Variants in LPIN1 observed in about 807,000 individuals in gnomAD.
LPIN1 encodes the protein phosphatidate phosphatase LPIN1.
LPIN1 carries 71 observed loss-of-function variants against 107.5 expected under a neutral mutation model. The ratio of observed to expected loss-of-function variants is 0.66; its 90% CI spans 0.55 to 0.80. The LOEUF is 0.80. Among genes scored for constraint, LPIN1 ranks in the 30% least tolerant of loss-of-function variants. The pLI, the probability that LPIN1 is intolerant of heterozygous loss-of-function variation, is 0.00. For missense variants in LPIN1, 1,043 were observed against 1,160.6 expected (o/e 0.90, Z 1.47); for synonymous variants, 445 against 452.6 (o/e 0.98, Z 0.21).
chr2:11,693,770 A>ATG (rs201833333), intron 1 of LPIN1, among the ~76,000 whole-genome samples: 5,549 of 114,894 alleles, frequency 0.048, 242 homozygotes, highest in Middle Eastern at 0.12. Flanking sequence ...AGAGCCATAT[A>ATG]TGTGTGTGTG....
At chr2:11,728,636 A>G (rs1050831867) in intron 1 of LPIN1, among the ~76,000 whole-genome samples, 18 of 152,106 alleles carry the variant, frequency 1.2e-4, no homozygotes, top group Non-Finnish European at 2.6e-4. Flanking sequence ...TCTGCCTCCC[A>G]AAGTGCTGGG....
intron 1 of LPIN1, chr2:11,681,607 T>C (rs540678591): frequency 5.9e-5 from 9 of 152,640 alleles, no homozygotes; most frequent in African/African-American, 2.2e-4. Context: ...TTTATAGCAG[T>C]GCGAGAACAG....
chr2:11,787,696 C>T (rs991839127), intron 11 of LPIN1, among the ~76,000 whole-genome samples: 9 of 151,678 alleles, frequency 5.9e-5, no homozygotes, highest in African/African-American at 9.7e-5. Context: ...AAACTCAGCA[C>T]TTTGGGAGGC....
At position 11,766,768 on chromosome 2, in the gene LPIN1, C is replaced by CAAACAA. The variant is rs781428248; in HGVS notation, c.193-994_193-993insAACAAA. The stretch of plus-strand genomic sequence containing the variant: ...GGGCTCTTATCAGGCAAAAAACAAA[C>CAAACAA]ACAAACAAACAAACAAACAAACAAA... On this transcript the variant is annotated intron_variant, in intron 2 of 20. Transcript: ENST00000674199. Among the ~76,000 whole-genome samples, 5 of 78,758 alleles carry CAAACAA rather than the reference C, an allele frequency of 6.3e-5. No homozygotes were observed. The African/African-American group carries it at 7.2e-4, about 11-fold the overall frequency. The allele number at this position is 78,758 out of a possible 152,430, so 51.7% of individuals were successfully genotyped here.
At chr2:11,699,801 C>A (rs147406140) in intron 1 of LPIN1, among the ~76,000 whole-genome samples, 2 of 152,004 alleles carry the variant, frequency 1.3e-5, no homozygotes, top group African/African-American at 4.8e-5. Context: ...GTGATATAAG[C>A]AAGGGCAATA....
In LPIN1 at chr2:11,786,755, G is replaced by A. The variant is rs751855916; in HGVS notation, c.1550-319G>A. 1.5e-4 allele frequency among the ~76,000 whole-genome samples: 23 copies of A among 152,206 alleles called. No homozygotes were observed. Among genetic ancestry groups the A allele is most frequent in the Non-Finnish European group, 2.2e-4 (15 of 68,038 alleles). On this transcript the variant is annotated intron_variant, in intron 10 of 20. Transcript: ENST00000674199. This position sits in a 1 kb window ranked among gnomAD's most constrained non-coding sequence, Gnocchi z 4.1. ...AGGGAGCCTGGCTTCTGCGCCATGCGTAGCCATGACTCTGCCTGTGCAGAT... is the reference window on the plus strand; with the variant it reads ...AGGGAGCCTGGCTTCTGCGCCATGCATAGCCATGACTCTGCCTGTGCAGAT...
intron 1 of LPIN1, among the ~76,000 whole-genome samples, chr2:11,686,265 G>A (rs1661994924): frequency 1.3e-5 from 2 of 150,792 alleles, no homozygotes; most frequent in Admixed American, 1.3e-4. Flanking sequence ...CCCGCTTTTG[G>A]CACTTATCAT....
intron 1 of LPIN1, among the ~76,000 whole-genome samples, chr2:11,712,627 G>C (rs1247112618): frequency 6.9e-6 from 1 of 145,758 alleles, no homozygotes; most frequent in Admixed American, 6.7e-5. Context: ...TGCTGGAAAA[G>C]CTAAGTGGGT....
rs1482662686 is a variant in LPIN1 at position 11,803,623 on chromosome 2, G to A, written c.2013+590G>A. Among the ~76,000 whole-genome samples, 1 of 152,170 alleles carries A rather than the reference G, an allele frequency of 6.6e-6. No individual in the cohort carries two copies. The highest frequency in any genetic ancestry group is 1.5e-5 in the Non-Finnish European group (1 of 68,032). On this transcript the variant is annotated intron_variant, in intron 15 of 20. Coordinates refer to ENST00000674199, the MANE Select transcript of LPIN1 (RefSeq NM_001349206.2). The surrounding 1 kb of genome is among the most constrained non-coding windows in gnomAD (Gnocchi z 4.2). ...CATTTCTCCTAAGAGTTAGTGGGGA[G>A]CCTGGCTCAAGTGTGAGGGTGTTTA...
At chr2:11,747,720 C>T (rs1174150222) in intron 1 of LPIN1, among the ~76,000 whole-genome samples, 3 of 152,212 alleles carry the variant, frequency 2.0e-5, no homozygotes, top group Non-Finnish European at 2.9e-5. Context: ...GAAATAAGCA[C>T]ATCCACACAT....
chr2:11,689,794 A>G (rs2148506286), intron 1 of LPIN1, among the ~76,000 whole-genome samples: 1 of 152,104 alleles, frequency 6.6e-6, no homozygotes, highest in Admixed American at 6.5e-5. Context: ...ATTCCCAGCT[A>G]CTTGGGAGGC....
intron 1 of LPIN1, among the ~76,000 whole-genome samples, chr2:11,725,560 A>G (rs765058533): frequency 6.6e-6 from 1 of 152,174 alleles, no homozygotes; most frequent in Non-Finnish European, 1.5e-5. Flanking sequence ...TTCCCTTTCC[A>G]TGGGAAAGAG....
At chr2:11,822,173 A>T in intron 20 of LPIN1, among the ~76,000 whole-genome samples, 1 of 151,362 alleles carries the variant, frequency 6.6e-6, no homozygotes, top group Non-Finnish European at 1.5e-5. Context: ...GCTCATGCCT[A>T]TAATCCCAGC....
Position 11,790,083 on chromosome 2 carries a change from A to G in LPIN1, c.1713+1627A>G, listed in dbSNP as rs373790418. On this transcript the variant is annotated intron_variant, in intron 12 of 20. Transcript: ENST00000674199. ...TTGTGCTTTCTTGTATATGGGGCAT[A>G]TTTTTACAAGTTTTGGAAATTTCGA... Among the ~76,000 whole-genome samples the G allele has an allele frequency of 8.5e-5, 13 of 152,224 alleles. No homozygotes were observed. The South Asian group carries it at 2.3e-3, about 27-fold the overall frequency.
In LPIN1 at chr2:11,782,417, C is replaced by G. The variant is rs779413969; in HGVS notation, c.1174C>G (p.Pro392Ala). Residue 392 changes from proline (P) to alanine (A), a missense_variant, in exon 8 of 21, where the codon CCA becomes GCA. Coordinates refer to ENST00000674199, the MANE Select transcript of LPIN1 (RefSeq NM_001349206.2). ...CCTGGAGACCTTAGGAGCAGCAGCG[C>G]CACTCTTGCCCATGATCGAGGAGCT... The part of the protein sequence containing the change: ...EDLETLGAAA[P>A]LLPMIEELKP... The G allele has an allele frequency of 1.5e-4, 247 of 1,614,072 alleles. 1 individual carries two copies. In the East Asian group the frequency reaches 5.5e-3, roughly 36 times the overall value.
At chr2:11,693,768 A>G (rs1662387051) in intron 1 of LPIN1, among the ~76,000 whole-genome samples, 2 of 123,900 alleles carry the variant, frequency 1.6e-5, no homozygotes, top group African/African-American at 6.2e-5. Flanking sequence ...CAAGAGCCAT[A>G]TATGTGTGTG....
Position 11,708,826 on chromosome 2 carries a change from G to T in LPIN1, c.82-4930G>T, listed in dbSNP as rs139394218. ...AGGAAGGGAAGGTGATGATGATGATGTTGGTGATGATGATGACAATGATGA... is the reference window on the plus strand; with the variant it reads ...AGGAAGGGAAGGTGATGATGATGATTTTGGTGATGATGATGACAATGATGA... On this transcript the variant is annotated intron_variant, in intron 1 of 21. Coordinates refer to the LPIN1 transcript ENST00000449576. Among the ~76,000 whole-genome samples, 1,468 of 152,264 alleles carry T rather than the reference G, an allele frequency of 9.6e-3. 6 individuals are homozygous for T. The highest frequency in any genetic ancestry group is 0.015 in the Non-Finnish European group (991 of 68,026).
chr2:11,784,906 C>T lies in LPIN1; in HGVS notation c.1379C>T (p.Ala460Val), dbSNP rs571532101. The T allele has an allele frequency of 3.7e-5, 59 of 1,613,984 alleles. No individual in the cohort carries two copies. Among genetic ancestry groups the T allele is most frequent in the Middle Eastern group, 3.3e-4 (2 of 6,062 alleles). The change falls in exon 10 of 21, where the codon GCA (alanine) becomes GTA (valine). Residue 460 changes from alanine (A) to valine (V), a missense_variant. By Grantham distance (64) the Ala-to-Val change is moderately conservative. Transcript: ENST00000674199. Reference sequence around the variant, plus strand: ...TCCAGCGGAGATCCTTCCGGACTCGCAAAACATGCAAGCGACAACGGAGCC... The same window carrying T: ...TCCAGCGGAGATCCTTCCGGACTCGTAAAACATGCAAGCGACAACGGAGCC... ...FPKNGDPSGL[A>V]KHASDNGARS...
chr2:11,808,823 A>G (rs1225578155), intron 17 of LPIN1, among the ~76,000 whole-genome samples: 1 of 151,090 alleles, frequency 6.6e-6, no homozygotes, highest in Non-Finnish European at 1.5e-5. Flanking sequence ...GTGAGCCGAG[A>G]TCGCACCATT....
Sources: allele counts gnomAD v4.1 joint callset (sites outside exome capture counted in the v4.1 genomes callset), GRCh38; gene constraint gnomAD v4.1.1; non-coding constraint Gnocchi (gnomAD v3.1); transcripts MANE v1.5; gene names NCBI Gene and HGNC (gene_info 2026-07-23, HGNC 2026-07-21).